The following CLASP2 variants were observed in gnomAD, a reference collection of about 807,000 sequenced individuals.
CLASP2 encodes CLIP-associating protein 2.
CLASP2 carries 47 observed loss-of-function variants against 194.4 expected under a neutral mutation model. The ratio of observed to expected loss-of-function variants is 0.24; its 90% CI spans 0.19 to 0.31. CLASP2 has a LOEUF of 0.31. Ranked by LOEUF, CLASP2 falls within the 10% of genes least tolerant of loss-of-function variation. CLASP2 has a pLI of 1.00. For missense variants in CLASP2, 1,445 were observed against 1,823.6 expected (o/e 0.79, Z 3.78); for synonymous variants, 619 against 633.5 (o/e 0.98, Z 0.34).
intron 16 of CLASP2, 118 bp from the exon 17 acceptor site, chr3:33,604,327 T>C (rs899448158): frequency 1.4e-6 from 1 of 722,512 alleles, no homozygotes; most frequent in East Asian, 3.2e-5. Context: ...TTTCTTTTTT[T>C]TTTTTTTTGA....
Position 33,689,913 on chromosome 3 carries a change from G to T in CLASP2, c.294C>A (p.Asp98Glu). The T allele has an allele frequency of 6.3e-7, 1 of 1,589,720 alleles. No homozygotes were observed. Among genetic ancestry groups the T allele is most frequent in the Non-Finnish European group, 8.6e-7 (1 of 1,168,632 alleles). The change falls in exon 3 of 39, where the codon GAC becomes GAA. Residue 98 changes from aspartate to glutamate, a missense_variant. Around this residue, in one of 4 missense-constraint regions of CLASP2, gnomAD observed 332 missense variants for 325.3 expected, o/e 1.02. Coordinates refer to ENST00000682230, the MANE Select transcript of CLASP2 (RefSeq NM_001365631.1). ...YVAMVIVALI[D>E]RMGDAKDKVR... ...CCTTGTCTTTGGCATCTCCCATTCT[G>T]TCTATTAAAGCTACAATAACTAAAG...
chr3:33,684,628 C>G (rs1278748890), intron 5 of CLASP2, among the ~76,000 whole-genome samples, 172 bp from the exon 6 acceptor site: 1 of 152,108 alleles, frequency 6.6e-6, no homozygotes, highest in Non-Finnish European at 1.5e-5. Context: ...CAAGATACTT[C>G]TAGAAAAAAC....
At chr3:33,646,182 TTAAA>T (rs1262475241) in intron 7 of CLASP2, among the ~76,000 whole-genome samples, 2 of 151,518 alleles carry the variant, frequency 1.3e-5, no homozygotes, top group Non-Finnish European at 2.9e-5. Context: ...AGAGATATTA[TTAAA>T]TATTTTAAAG....
intron 32 of CLASP2, among the ~76,000 whole-genome samples, chr3:33,542,841 T>C (rs997250888): frequency 3.3e-5 from 5 of 152,150 alleles, no homozygotes; most frequent in Admixed American, 1.3e-4. Context: ...ATTTACTGGA[T>C]TTATACAGCA....
chr3:33,674,362 G>A (rs1307382360), intron 6 of CLASP2, among the ~76,000 whole-genome samples: 1 of 151,922 alleles, frequency 6.6e-6, no homozygotes, highest in Non-Finnish European at 1.5e-5. Context: ...ATAAAGAAAT[G>A]AAGGCAGAAA....
chr3:33,511,170 C>A (rs1232012734), intron 36 of CLASP2, among the ~76,000 whole-genome samples: 1 of 151,562 alleles, frequency 6.6e-6, no homozygotes, highest in Admixed American at 6.6e-5. Flanking sequence ...GTAGTTGGAA[C>A]TACAGGCATG....
At chr3:33,658,834 A>C in intron 7 of CLASP2, 1 of 701,724 alleles carries the variant, frequency 1.4e-6, no homozygotes, top group Non-Finnish European at 2.3e-6. Context: ...ATAAATGTAC[A>C]CACAAGTGTA....
intron 32 of CLASP2, among the ~76,000 whole-genome samples, chr3:33,539,615 G>A (rs1389108905): frequency 6.6e-6 from 1 of 151,952 alleles, no homozygotes; most frequent in East Asian, 1.9e-4. Context: ...GATTACAGGC[G>A]TGAGCCACTG....
intron 21 of CLASP2, among the ~76,000 whole-genome samples, chr3:33,585,282 C>T (rs778969542): frequency 2.9e-4 from 44 of 152,156 alleles, no homozygotes; most frequent in Non-Finnish European, 4.4e-4. Flanking sequence ...TCATGTTCTA[C>T]GTGAATAAGC....
At chr3:33,717,106 A>G (rs1242212957) in intron 1 of CLASP2, among the ~76,000 whole-genome samples, 1 of 152,154 alleles carries the variant, frequency 6.6e-6, no homozygotes, top group Non-Finnish European at 1.5e-5. Flanking sequence ...CTCGCACCTC[A>G]TCTTTGTAAC....
intron 9 of CLASP2, among the ~76,000 whole-genome samples, chr3:33,627,483 C>A (rs529494946): frequency 6.6e-6 from 1 of 152,098 alleles, no homozygotes; most frequent in Non-Finnish European, 1.5e-5. Flanking sequence ...AATTTTCTCT[C>A]CTCAGTCATG....
At chr3:33,701,866 G>T (rs2092399394) in intron 1 of CLASP2, among the ~76,000 whole-genome samples, 1 of 151,902 alleles carries the variant, frequency 6.6e-6, no homozygotes, top group South Asian at 2.1e-4. Flanking sequence ...AAAACTACTA[G>T]AAGAAAACAC....
intron 1 of CLASP2, among the ~76,000 whole-genome samples, chr3:33,708,494 A>ATATATATGTATATATATGTACATATG (rs1559702616): frequency 3.8e-5 from 5 of 130,600 alleles, no homozygotes; most frequent in African/African-American, 1.6e-4. Context: ...GTGTATGTAT[A>ATATATATGTATATATATGTACATATG]TATATATATA....
chr3:33,709,865 C>T (rs933979954), intron 1 of CLASP2, among the ~76,000 whole-genome samples: 6 of 152,272 alleles, frequency 3.9e-5, no homozygotes, highest in African/African-American at 1.2e-4. Context: ...AAATAACTTA[C>T]TAAAAGATTT....
chr3:33,598,785 C>T (rs1441358323), intron 18 of CLASP2, among the ~76,000 whole-genome samples: 10 of 152,132 alleles, frequency 6.6e-5, no homozygotes, highest in Non-Finnish European at 1.5e-4. Flanking sequence ...ATTTTCTTTT[C>T]CACTCAAGCA....
At position 33,529,984 on chromosome 3, in the gene CLASP2, CAAAAAAAAAA is replaced by C. The variant is rs1169927619; in HGVS notation, c.3787+5239_3787+5248del. ...TGGGCGACAGAGCGAGACTCCGTCT[CAAAAAAAAAA>C]AAAAAAAAAAAAAAAAAGATCTTCA... On this transcript the variant is annotated intron_variant, in intron 34 of 38. Coordinates refer to ENST00000682230, the MANE Select transcript of CLASP2 (RefSeq NM_001365631.1). Among the ~76,000 whole-genome samples the C allele has an allele frequency of 2.2e-3, 72 of 32,240 alleles. 1 individual carries two copies. In the East Asian group the frequency reaches 0.06, roughly 27 times the overall value. The allele number at this position is 32,240 out of a possible 152,430, so 21.2% of individuals were successfully genotyped here.
chr3:33,642,531 G>A (rs924481996), intron 8 of CLASP2, among the ~76,000 whole-genome samples: 5 of 151,816 alleles, frequency 3.3e-5, no homozygotes, highest in Non-Finnish European at 5.9e-5. Flanking sequence ...GGTGATTTTT[G>A]TTCTAAATTT....
intron 1 of CLASP2, among the ~76,000 whole-genome samples, chr3:33,701,425 G>C (rs1216141631): frequency 6.6e-6 from 1 of 152,220 alleles, no homozygotes; most frequent in Admixed American, 6.5e-5. Context: ...GCGAGAACCT[G>C]TCTCTACAAA....
rs371674301 is a variant in CLASP2, at chr3:33,503,477, G to A, written c.4318-1709C>T. The A allele has an allele frequency of 2.7e-5, 4 of 150,592 alleles. No individual in the cohort carries two copies. The East Asian group carries it at 7.8e-4, about 29-fold the overall frequency. The allele number at this position is 150,592 out of a possible 1,614,324, so 9.3% of individuals were successfully genotyped here. A position where few individuals can be genotyped will look rare whatever the true frequency, so the allele number is the denominator to read the frequency against. ...GACGTCTTGCTCCGTTGCCTAGGCT[G>A]GACTGCAGTATGTGATCTCAGCTCA... On this transcript the variant is annotated intron_variant, in intron 37 of 38. Coordinates refer to ENST00000682230, the MANE Select transcript of CLASP2 (RefSeq NM_001365631.1).
Sources: gnomAD v4.1 joint callset for allele counts (sites outside exome capture counted in the v4.1 genomes callset) on GRCh38, gnomAD v4.1.1 for gene constraint, gnomAD v4.1.1 regional missense constraint, MANE v1.5 for transcripts, NCBI Gene and HGNC (gene_info 2026-07-23, HGNC 2026-07-21) for gene names.